The following GNB4 variants were observed in gnomAD, a reference collection of about 807,000 sequenced individuals.
The protein encoded by GNB4 is G protein subunit beta 4.
Under a neutral mutation model 45.2 loss-of-function variants are expected in GNB4, and 28 were observed. The observed-to-expected ratio is 0.62, with a 90% confidence interval of 0.46 to 0.85. GNB4 has a LOEUF of 0.85. Ranked by LOEUF, GNB4 falls within the 40% of genes least tolerant of loss-of-function variation. GNB4 has a pLI of 0.00. For missense variants in GNB4, 321 were observed against 425.4 expected (o/e 0.75, Z 2.16); for synonymous variants, 132 against 143.7 (o/e 0.92, Z 0.58).
chr3:179,458,136 CT>C, the GNB4 span, among the ~76,000 whole-genome samples: 5 of 152,178 alleles, frequency 3.3e-5, no homozygotes, highest in Non-Finnish European at 7.3e-5. Context: ...AACTGCTGAT[CT>C]CGTGATCCAC....
chr3:179,452,020 A>C (rs1181734576), upstream of GNB4, among the ~76,000 whole-genome samples: 1 of 152,200 alleles, frequency 6.6e-6, no homozygotes, highest in East Asian at 1.9e-4. Context: ...GCCAAAATAA[A>C]GATACTGATA....
chr3:179,527,790 A>ATGTGTG, the GNB4 span, among the ~76,000 whole-genome samples: 612 of 142,432 alleles, frequency 4.3e-3, 9 homozygotes, highest in East Asian at 0.047. Flanking sequence ...GTGTGTATGT[A>ATGTGTG]TGTGTGTGTG....
At chr3:179,517,507 G>T in the GNB4 span, among the ~76,000 whole-genome samples, 1 of 152,068 alleles carries the variant, frequency 6.6e-6, no homozygotes, top group African/African-American at 2.4e-5. Flanking sequence ...TCGGATCGGG[G>T]GACCTCCTTT....
the GNB4 span, chr3:179,464,739 C>G: frequency 8.9e-7 from 1 of 1,117,860 alleles, no homozygotes; most frequent in East Asian, 2.4e-5. Flanking sequence ...CCTCCTTGTT[C>G]AGCTGCCTCT....
chr3:179,447,672 G>C (rs1715770469), intron 1 of GNB4, among the ~76,000 whole-genome samples: 1 of 152,208 alleles, frequency 6.6e-6, no homozygotes, highest in Non-Finnish European at 1.5e-5. Context: ...GGCCAGGGAA[G>C]AATACAGTTT....
the GNB4 span, among the ~76,000 whole-genome samples, chr3:179,487,792 T>C: frequency 6.6e-6 from 1 of 152,096 alleles, no homozygotes; most frequent in African/African-American, 2.4e-5. Context: ...GGCTCACACC[T>C]GTAATCCCAG....
At chr3:179,414,794 A>G in intron 6 of GNB4, 91 bp downstream of exon 6, 1 of 1,020,602 alleles carries the variant, frequency 9.8e-7, no homozygotes, top group Non-Finnish European at 1.4e-6. Flanking sequence ...CTCATCCTTT[A>G]GCCAGCCGAG....
intron 9 of GNB4, 49 bp from the exon 10 acceptor site, chr3:179,401,368 T>A: frequency 8.4e-7 from 1 of 1,188,826 alleles, no homozygotes; most frequent in Non-Finnish European, 1.2e-6. Flanking sequence ...GTTTTAGAAT[T>A]AAACAAGTAT....
chr3:179,450,527 G>A (rs577982780), intron 1 of GNB4, among the ~76,000 whole-genome samples: 3 of 152,318 alleles, frequency 2.0e-5, no homozygotes, highest in Admixed American at 6.5e-5. Flanking sequence ...TTTGTCGGTG[G>A]CTGAGAGGGA....
intron 4 of GNB4, among the ~76,000 whole-genome samples, chr3:179,416,968 G>A (rs2108593324): frequency 6.6e-6 from 1 of 152,258 alleles, no homozygotes; most frequent in Non-Finnish European, 1.5e-5. Flanking sequence ...GACAATACTA[G>A]AGGTACAACG....
chr3:179,471,515 T>TATTTA, the GNB4 span, among the ~76,000 whole-genome samples: 1 of 152,260 alleles, frequency 6.6e-6, no homozygotes, highest in East Asian at 1.9e-4. Flanking sequence ...TACAGTGCCA[T>TATTTA]GCAGTATAGG....
At chr3:179,464,576 G>C in the GNB4 span, 2 of 1,502,608 alleles carry the variant, frequency 1.3e-6, no homozygotes, top group Non-Finnish European at 1.9e-6. Flanking sequence ...TGGTTGGCGA[G>C]AGTTCTGCAA....
At chr3:179,514,250 A>G in the GNB4 span, among the ~76,000 whole-genome samples, 1 of 152,224 alleles carries the variant, frequency 6.6e-6, no homozygotes, top group Non-Finnish European at 1.5e-5. Context: ...AGATATAGGT[A>G]TGATGTGGAC....
intron 5 of GNB4, among the ~76,000 whole-genome samples, chr3:179,415,557 GTGATAGT>G (rs1714774078): frequency 6.6e-6 from 1 of 152,070 alleles, no homozygotes; most frequent in Admixed American, 6.6e-5. Flanking sequence ...TCAAACAATG[GTGATAGT>G]TTTTTATTGC....
chr3:179,448,397 A>G (rs1577042584), intron 1 of GNB4, among the ~76,000 whole-genome samples: 1 of 152,098 alleles, frequency 6.6e-6, no homozygotes, highest in East Asian at 1.9e-4. Context: ...TACCATACAA[A>G]TAATAGCCTA....
intron 4 of GNB4, among the ~76,000 whole-genome samples, chr3:179,417,631 A>G (rs1211134829): frequency 6.6e-6 from 1 of 151,976 alleles, no homozygotes; most frequent in East Asian, 1.9e-4. Context: ...CAAGTGATCC[A>G]CTCGCTTGGC....
the GNB4 span, among the ~76,000 whole-genome samples, chr3:179,494,430 C>T: frequency 6.6e-6 from 1 of 151,524 alleles, no homozygotes; most frequent in Non-Finnish European, 1.5e-5. Flanking sequence ...CCCAGCTGCT[C>T]AGGAGTATGG....
chr3:179,484,780 G>A, the GNB4 span, among the ~76,000 whole-genome samples: 1 of 151,706 alleles, frequency 6.6e-6, no homozygotes, highest in Non-Finnish European at 1.5e-5. Flanking sequence ...CTGGTCATGA[G>A]TTCAATGTTA....
intron 1 of GNB4, among the ~76,000 whole-genome samples, chr3:179,437,089 TACAC>T (rs146490145): frequency 2.6e-5 from 4 of 151,942 alleles, no homozygotes; most frequent in Non-Finnish European, 4.4e-5. Context: ...GACATAAAAA[TACAC>T]ACACACAGGC....
Sources: allele counts gnomAD v4.1 joint callset (sites outside exome capture counted in the v4.1 genomes callset), GRCh38; gene constraint gnomAD v4.1.1; transcripts MANE v1.5; gene names NCBI Gene and HGNC (gene_info 2026-07-23, HGNC 2026-07-21).